CUBN: variants seen among roughly 807,000 people sequenced by gnomAD.
The protein encoded by CUBN is cubilin.
A neutral mutation model predicts 405.3 loss-of-function variants in CUBN; 282 were observed. That is an observed-to-expected ratio of 0.70 (90% CI 0.63 to 0.77). CUBN has a LOEUF of 0.77. Ranked by LOEUF, CUBN falls within the 30% of genes least tolerant of loss-of-function variation. CUBN has a pLI of 0.00. For synonymous variants in CUBN, 1,684 were observed against 1,617.0 expected, an observed-to-expected ratio of 1.04 and a Z score of -0.99; for missense variants, 4,514 against 4,475.2, an observed-to-expected ratio of 1.01 and a Z score of -0.25.
chr10:17,023,504 C>CA, intron 27 of CUBN: 1 of 417,770 alleles, frequency 2.4e-6, no homozygotes, highest in Non-Finnish European at 5.0e-6. Flanking sequence ...ATTGACCACC[C>CA]AAAACCACAC....
chr10:16,974,562 G>A (rs1054364009), intron 31 of CUBN, among the ~76,000 whole-genome samples: 2 of 151,768 alleles, frequency 1.3e-5, no homozygotes, highest in Non-Finnish European at 2.9e-5. Context: ...TAGTAGAGAC[G>A]GGGTTTCACC....
At chr10:16,948,853 A>C (rs1472041857) in intron 34 of CUBN, among the ~76,000 whole-genome samples, 2 of 152,168 alleles carry the variant, frequency 1.3e-5, no homozygotes, top group South Asian at 2.1e-4. Flanking sequence ...GGACCAGAGG[A>C]AAAACTTAGA....
intron 31 of CUBN, among the ~76,000 whole-genome samples, chr10:16,959,205 A>G (rs72773239): frequency 0.19 from 28,477 of 152,182 alleles, 3,076 homozygotes; most frequent in Middle Eastern, 0.24. Flanking sequence ...TATAGTTATT[A>G]AGTTTTATGT....
intron 14 of CUBN, among the ~76,000 whole-genome samples, chr10:17,093,503 C>T (rs764809091): frequency 1.3e-5 from 2 of 151,876 alleles, no homozygotes; most frequent in African/African-American, 2.4e-5. Context: ...TGAAATAGGT[C>T]CCCTGTAAAT....
At chr10:16,944,690 A>G (rs1352486305) in intron 36 of CUBN, among the ~76,000 whole-genome samples, 2 of 152,254 alleles carry the variant, frequency 1.3e-5, no homozygotes, top group Non-Finnish European at 2.9e-5. Context: ...AATCAAAATT[A>G]ACTTCTTACA....
chr10:16,911,538 G>A (rs1402096953), intron 48 of CUBN, among the ~76,000 whole-genome samples: 1 of 152,178 alleles, frequency 6.6e-6, no homozygotes, highest in African/African-American at 2.4e-5. Flanking sequence ...AGAGTTATAA[G>A]TTGATAATTA....
rs1834464675 is a variant in CUBN at position 17,020,511 on chromosome 10, TGTA to T, written c.4018-531_4018-529del. Among the ~76,000 whole-genome samples the T allele has an allele frequency of 4.6e-5, 7 of 152,260 alleles. No homozygotes were observed. The South Asian group carries it at 1.2e-3, about 27-fold the overall frequency. ...GGTAATTTTTAAAATAAATGCTACC[TGTA>T]AAATAATCAGACATTTTAGAAATAT... On this transcript the variant is annotated intron_variant, in intron 27 of 66. Coordinates refer to ENST00000377833, the MANE Select transcript of CUBN (RefSeq NM_001081.4).
intron 6 of CUBN, among the ~76,000 whole-genome samples, chr10:17,119,134 T>C (rs180923533): frequency 1.3e-4 from 20 of 152,354 alleles, no homozygotes; most frequent in African/African-American, 3.6e-4. Context: ...AACTACCACC[T>C]GAGCTAAAAC....
At chr10:16,872,202 T>C (rs900120216) in intron 58 of CUBN, among the ~76,000 whole-genome samples, 1 of 152,098 alleles carries the variant, frequency 6.6e-6, no homozygotes, top group African/African-American at 2.4e-5. Context: ...ATCACGCCAC[T>C]GCACTCCAGC....
At chr10:17,079,712 G>C (rs1222984648) in intron 17 of CUBN, among the ~76,000 whole-genome samples, 1 of 152,130 alleles carries the variant, frequency 6.6e-6, no homozygotes, top group African/African-American at 2.4e-5. Flanking sequence ...CTGACATTTA[G>C]GTGTGTAGTC....
intron 48 of CUBN, among the ~76,000 whole-genome samples, chr10:16,910,501 A>G (rs780854): frequency 0.48 from 72,239 of 152,036 alleles, 19,466 homozygotes; most frequent in East Asian, 0.67. Flanking sequence ...TAACCTCCCC[A>G]AGAGAAAAGA....
At chr10:17,023,954 G>A (rs2131792766) in intron 27 of CUBN, among the ~76,000 whole-genome samples, 1 of 152,064 alleles carries the variant, frequency 6.6e-6, no homozygotes, top group Non-Finnish European at 1.5e-5. Context: ...TATTCATTTA[G>A]GATTTTCGTG....
At chr10:17,004,404 C>T (rs1263584617) in intron 28 of CUBN, among the ~76,000 whole-genome samples, 1 of 152,192 alleles carries the variant, frequency 6.6e-6, no homozygotes. Context: ...TGGCCCAAAA[C>T]CTCACCTAAT....
At chr10:17,032,236 G>A (rs572200400) in intron 27 of CUBN, among the ~76,000 whole-genome samples, 156 of 152,302 alleles carry the variant, frequency 1.0e-3, no homozygotes, top group Non-Finnish European at 1.8e-3. Flanking sequence ...CAGAAGGGGC[G>A]TGGAGGGGAG....
chr10:16,879,360 C>A (rs1014080141), intron 56 of CUBN, among the ~76,000 whole-genome samples: 6 of 152,194 alleles, frequency 3.9e-5, no homozygotes, highest in Non-Finnish European at 8.8e-5. Context: ...GCCACAAGAA[C>A]AAAATGCTTT....
At chr10:17,113,751 T>C (rs1400168738) in intron 8 of CUBN, among the ~76,000 whole-genome samples, 2 of 152,248 alleles carry the variant, frequency 1.3e-5, no homozygotes, top group Non-Finnish European at 2.9e-5. Flanking sequence ...ATCTCAAATC[T>C]GGTCAGTTGG....
In CUBN at chr10:16,925,598, C is replaced by T; in HGVS notation, c.6448G>A (p.Gly2150Arg). Residue 2150 changes from glycine (G) to arginine (R), a missense_variant, in exon 42 of 67, where the codon GGG (glycine) becomes AGG (arginine). Coordinates refer to ENST00000377833, the MANE Select transcript of CUBN (RefSeq NM_001081.4). ...IPNGDSSCNQ[G>R]DYLVLRNGPD... Reference sequence around the variant, plus strand: ...GCAAGACCTACCACCAAGTAATCCCCCTGGTTGCAAGAAGAATCTCCATTT... The same window carrying T: ...GCAAGACCTACCACCAAGTAATCCCTCTGGTTGCAAGAAGAATCTCCATTT... The T allele has an allele frequency of 6.2e-7, 1 of 1,613,928 alleles. No individual in the cohort carries two copies. Among genetic ancestry groups the T allele is most frequent in the East Asian group, 2.2e-5 (1 of 44,874 alleles).
intron 31 of CUBN, among the ~76,000 whole-genome samples, chr10:16,963,076 A>G (rs1843279096): frequency 6.6e-6 from 1 of 152,166 alleles, no homozygotes; most frequent in Non-Finnish European, 1.5e-5. Context: ...TAAAGATCAA[A>G]TAAGACAATG....
intron 17 of CUBN, among the ~76,000 whole-genome samples, chr10:17,074,358 G>C (rs1835806179): frequency 6.6e-6 from 1 of 152,042 alleles, no homozygotes; most frequent in South Asian, 2.1e-4. Flanking sequence ...AGCAATCATG[G>C]GGCATTACTG....
Sources: allele counts gnomAD v4.1 joint callset (sites outside exome capture counted in the v4.1 genomes callset), GRCh38; gene constraint gnomAD v4.1.1; transcripts MANE v1.5; gene names NCBI Gene and HGNC (gene_info 2026-07-23, HGNC 2026-07-21).